The following FANCL variants were observed in gnomAD, a reference collection of about 807,000 sequenced individuals.
FANCL encodes E3 ubiquitin-protein ligase FANCL.
A neutral mutation model predicts 59.4 loss-of-function variants in FANCL; 69 were observed. That is an observed-to-expected ratio of 1.16 (90% CI 0.96 to 1.42). The LOEUF (loss-of-function observed/expected upper bound fraction) is 1.42. FANCL is among the 40% of genes most tolerant of loss of function. The pLI, the probability that FANCL is intolerant of heterozygous loss-of-function variation, is 0.00. For missense variants in FANCL, 519 were observed against 447.2 expected, an observed-to-expected ratio of 1.16 and a Z score of -1.45; for synonymous variants, 180 against 147.1, an observed-to-expected ratio of 1.22 and a Z score of -1.62.
In FANCL at chr2:58,161,618, T is replaced by C. The variant is rs1303234668; in HGVS notation, c.924A>G (p.Gly308=). The part of the protein sequence containing the change: ...LEKSDFTMDC[G]ICYAYQLDGT... ...CGTCAAGTTGATAAGCATAACAAAT[T>C]CCACAATCCATAGTAAAATCCTTCA... Residue 308 remains glycine (G), a synonymous_variant, in exon 12 of 14, where the codon GGA becomes GGG. Transcript: ENST00000233741. 1 of 1,610,324 alleles carries C rather than the reference T, an allele frequency of 6.2e-7. No individual in the cohort carries two copies. Among genetic ancestry groups the C allele is most frequent in the South Asian group, 1.1e-5 (1 of 91,008 alleles).
At chr2:58,205,052 C>T (rs985640004) in intron 5 of FANCL, among the ~76,000 whole-genome samples, 10 of 152,002 alleles carry the variant, frequency 6.6e-5, no homozygotes, top group South Asian at 4.1e-4. Flanking sequence ...TTTTACAATG[C>T]TATTCTCTTA....
intron 5 of FANCL, among the ~76,000 whole-genome samples, chr2:58,221,437 A>T (rs1322030826): frequency 6.7e-6 from 1 of 150,154 alleles, no homozygotes; most frequent in African/African-American, 2.5e-5. Flanking sequence ...CATCAGTTTT[A>T]AAAAAAAAAT....
In FANCL at chr2:58,234,365, T is replaced by C. The variant is rs568355480; in HGVS notation, c.97-2253A>G. On this transcript the variant is annotated intron_variant, in intron 1 of 13. Coordinates refer to ENST00000233741, the MANE Select transcript of FANCL (RefSeq NM_018062.4). ...GAAAATAAAGAAAAACACAAAATTATATGAAAGTGAAGGAATAAATTTAAA... is the reference window on the plus strand; with the variant it reads ...GAAAATAAAGAAAAACACAAAATTACATGAAAGTGAAGGAATAAATTTAAA... Among the ~76,000 whole-genome samples, 34 of 151,610 alleles carry C rather than the reference T, an allele frequency of 2.2e-4. 1 individual carries two copies. The South Asian group carries it at 6.9e-3, about 31-fold the overall frequency.
chr2:58,174,529 A>T (rs546669213), intron 7 of FANCL, among the ~76,000 whole-genome samples: 95 of 152,266 alleles, frequency 6.2e-4, no homozygotes, highest in African/African-American at 2.1e-3. Context: ...AACCTGCTCC[A>T]GAATGACTAC....
intron 5 of FANCL, among the ~76,000 whole-genome samples, chr2:58,208,162 A>T (rs776459462): frequency 3.9e-5 from 6 of 152,198 alleles, no homozygotes; most frequent in Non-Finnish European, 7.4e-5. Flanking sequence ...TCAAATAATG[A>T]TTTAGGAAAC....
chr2:58,179,037 A>G (rs566890647), intron 7 of FANCL, among the ~76,000 whole-genome samples: 2 of 152,304 alleles, frequency 1.3e-5, no homozygotes, highest in South Asian at 4.1e-4. Flanking sequence ...GATGTGAAGG[A>G]CCTCTTGAAG....
At chr2:58,160,806 GC>G (rs1016198428) in intron 12 of FANCL, among the ~76,000 whole-genome samples, 3 of 152,026 alleles carry the variant, frequency 2.0e-5, no homozygotes, top group African/African-American at 7.2e-5. Flanking sequence ...TTCTCCATTG[GC>G]AAAGTACAGA....
chr2:58,220,211 G>A (rs573895358), intron 5 of FANCL, among the ~76,000 whole-genome samples: 24 of 152,296 alleles, frequency 1.6e-4, no homozygotes, highest in South Asian at 8.3e-4. Context: ...CTTAAGTACA[G>A]ATCGTACACA....
rs764969578 is a variant in FANCL at position 58,198,606 on chromosome 2, G to C, written c.528C>G (p.Ser176=). The C allele has an allele frequency of 9.9e-6, 16 of 1,613,632 alleles. No individual in the cohort carries two copies. The highest frequency in any genetic ancestry group is 2.2e-5 in the East Asian group (1 of 44,870). ...FVDFPVPFCA[S]WTPQSSLISI... ...GAGGAGAATTTACCTGAGGTGTCCA[G>C]GAGGCACAAAATGGAACAGGAAAAT... The change falls in exon 7 of 14, where the codon TCC becomes TCG. Residue 176 remains serine, a synonymous_variant. Coordinates refer to ENST00000233741, the MANE Select transcript of FANCL (RefSeq NM_018062.4).
Position 58,241,122 on chromosome 2 carries a change from G to C in FANCL, c.96+96C>G. 6 of 1,328,080 alleles carry C rather than the reference G, an allele frequency of 4.5e-6. No individual in the cohort carries two copies. The Admixed American group carries it at 9.2e-5, about 20-fold the overall frequency. 82.3% of individuals were successfully genotyped at this position (1,328,080 alleles called of 1,614,324 possible). A position where few individuals can be genotyped will look rare whatever the true frequency, so the allele number is the denominator to read the frequency against. On this transcript the variant is annotated intron_variant, in intron 1 of 13. Transcript: ENST00000233741. ...GCGCCGCCCCTCTCAATCCCCACAA[G>C]TCTGGGCCCCTAACCTCCTAGCCCG...
chr2:58,240,212 T>C (rs1281759880), intron 1 of FANCL, among the ~76,000 whole-genome samples: 1 of 152,140 alleles, frequency 6.6e-6, no homozygotes, highest in African/African-American at 2.4e-5. Context: ...AGAATACTTC[T>C]AATTGGAGAG....
At chr2:58,182,249 A>G (rs1471868440) in intron 7 of FANCL, among the ~76,000 whole-genome samples, 3 of 151,858 alleles carry the variant, frequency 2.0e-5, no homozygotes, top group Non-Finnish European at 4.4e-5. Context: ...TACAAATTCT[A>G]TTCCACCCAT....
At chr2:58,228,010 A>G (rs557305496) in intron 3 of FANCL, among the ~76,000 whole-genome samples, 91 of 152,318 alleles carry the variant, frequency 6.0e-4, no homozygotes, top group African/African-American at 1.9e-3. Flanking sequence ...AGGCAACTCT[A>G]TGTAATTTTT....
intron 7 of FANCL, among the ~76,000 whole-genome samples, chr2:58,191,046 G>A (rs1295559892): frequency 6.6e-6 from 1 of 151,276 alleles, no homozygotes; most frequent in Non-Finnish European, 1.5e-5. Flanking sequence ...CAGAAATGAA[G>A]GTTTAAAACT....
At chr2:58,212,356 G>A (rs1437680712) in intron 5 of FANCL, among the ~76,000 whole-genome samples, 3 of 152,070 alleles carry the variant, frequency 2.0e-5, no homozygotes, top group East Asian at 1.9e-4. Context: ...ATCTTCCACC[G>A]GGTCCCTCCT....
intron 5 of FANCL, among the ~76,000 whole-genome samples, chr2:58,212,737 G>C (rs886631789): frequency 6.6e-6 from 1 of 151,754 alleles, no homozygotes; most frequent in Non-Finnish European, 1.5e-5. Flanking sequence ...ACTTACCTTT[G>C]TGAGCCAGTG....
At chr2:58,241,042 G>C (rs889863194) in intron 1 of FANCL, among the ~76,000 whole-genome samples, 176 bp downstream of exon 1, 3 of 152,336 alleles carry the variant, frequency 2.0e-5, no homozygotes, top group South Asian at 2.1e-4. Context: ...GGCGACCACC[G>C]GGGTGGCGGC....
intron 5 of FANCL, among the ~76,000 whole-genome samples, chr2:58,217,209 TATATATACACACACAC>T (rs1197764164): frequency 0.077 from 668 of 8,692 alleles, 11 homozygotes; most frequent in Admixed American, 0.15. Flanking sequence ...TATATATATA[TATATATACACACACAC>T]ACACACACAC....
chr2:58,229,878 A>C lies in FANCL; in HGVS notation c.156-4T>G. ...CAGCTGCCAACTACATAATAATCTAAAATTTTAATGAGACAAAATGGTTTA... is the reference window on the plus strand; with the variant it reads ...CAGCTGCCAACTACATAATAATCTACAATTTTAATGAGACAAAATGGTTTA... On this transcript the variant is annotated splice_region_variant and splice_polypyrimidine_tract_variant and intron_variant, in intron 2 of 13. Coordinates refer to ENST00000233741, the MANE Select transcript of FANCL (RefSeq NM_018062.4). 6.2e-7 allele frequency: 1 copy of C among 1,602,676 alleles called. No homozygotes were observed. The highest frequency in any genetic ancestry group is 1.1e-5 in the South Asian group (1 of 90,836).
Sources: allele counts gnomAD v4.1 joint callset (sites outside exome capture counted in the v4.1 genomes callset), GRCh38; gene constraint gnomAD v4.1.1; transcripts MANE v1.5; gene names NCBI Gene and HGNC (gene_info 2026-07-23, HGNC 2026-07-21).